Variants in GRK3 observed in about 807,000 individuals in gnomAD.
GRK3 encodes adrenergic, beta, receptor kinase 2.
Under a neutral mutation model 95.7 loss-of-function variants are expected in GRK3, and 54 were observed. The observed-to-expected ratio is 0.56, with a 90% confidence interval of 0.45 to 0.71. The LOEUF is 0.71. GRK3 is among the 30% of genes least tolerant of loss of function. The pLI is 0.00. For synonymous variants in GRK3, 281 were observed against 290.8 expected (o/e 0.97, Z 0.34); for missense variants, 649 against 851.2 (o/e 0.76, Z 2.96).
intron 6 of GRK3, among the ~76,000 whole-genome samples, chr22:25,668,351 C>T (rs1290532242): frequency 6.6e-6 from 1 of 152,164 alleles, no homozygotes; most frequent in African/African-American, 2.4e-5. Flanking sequence ...TGAAATTGGA[C>T]CCTCTAAAAC....
intron 5 of GRK3, 73 bp from the exon 6 acceptor site, chr22:25,667,666 A>G: frequency 9.5e-7 from 1 of 1,051,160 alleles, no homozygotes; most frequent in East Asian, 2.4e-5. Flanking sequence ...GCTTAACCTG[A>G]GTCTCATTGG....
chr22:25,629,313 G>A (rs1387082078), intron 2 of GRK3, among the ~76,000 whole-genome samples: 1 of 152,144 alleles, frequency 6.6e-6, no homozygotes, highest in Non-Finnish European at 1.5e-5. Flanking sequence ...AATTGCCAGG[G>A]GATTGGTGAA....
At chr22:25,703,925 C>T (rs1015046604) in intron 14 of GRK3, among the ~76,000 whole-genome samples, 184 bp from the exon 15 acceptor site, 18 of 152,218 alleles carry the variant, frequency 1.2e-4, no homozygotes, top group African/African-American at 4.1e-4. Flanking sequence ...GATCTGCCCC[C>T]AGCCTCATTG....
At chr22:25,667,695 A>G in intron 5 of GRK3, 44 bp from the exon 6 acceptor site, 2 of 1,414,814 alleles carry the variant, frequency 1.4e-6, no homozygotes, top group Non-Finnish European at 2.0e-6. Flanking sequence ...TTTTTGATAC[A>G]TTCCGATTCA....
At chr22:25,587,087 C>T (rs1259216648) in intron 1 of GRK3, among the ~76,000 whole-genome samples, 1 of 152,266 alleles carries the variant, frequency 6.6e-6, no homozygotes. Flanking sequence ...GACAGGGTTT[C>T]ACCATGTCAG....
At chr22:25,603,092 T>G (rs1360611264) in intron 1 of GRK3, among the ~76,000 whole-genome samples, 4 of 152,104 alleles carry the variant, frequency 2.6e-5, no homozygotes, top group Non-Finnish European at 5.9e-5. Flanking sequence ...AATTTTTGTA[T>G]TTTTAGTAGA....
chr22:25,597,991 G>A (rs1353743280), intron 1 of GRK3, among the ~76,000 whole-genome samples: 1 of 152,166 alleles, frequency 6.6e-6, no homozygotes, highest in Non-Finnish European at 1.5e-5. Flanking sequence ...TGGGCAGAAG[G>A]TGTATGGTAC....
At chr22:25,641,626 A>T (rs1569175704) in intron 2 of GRK3, among the ~76,000 whole-genome samples, 1 of 152,220 alleles carries the variant, frequency 6.6e-6, no homozygotes, top group Non-Finnish European at 1.5e-5. Context: ...AGTGAGAATG[A>T]ATGAGAATCA....
chr22:25,711,719 C>T (rs1267093041), intron 17 of GRK3, among the ~76,000 whole-genome samples: 2 of 152,052 alleles, frequency 1.3e-5, no homozygotes, highest in Non-Finnish European at 2.9e-5. Flanking sequence ...GTTTAAGATG[C>T]TGGGTCAAAG....
chr22:25,633,967 A>G (rs908205993), intron 2 of GRK3, among the ~76,000 whole-genome samples: 2 of 152,130 alleles, frequency 1.3e-5, no homozygotes, highest in Non-Finnish European at 2.9e-5. Context: ...GTTACTGTCT[A>G]GGTGTTTGTC....
chr22:25,713,385 TCA>T (rs1313150623), intron 17 of GRK3, among the ~76,000 whole-genome samples: 2 of 152,196 alleles, frequency 1.3e-5, no homozygotes, highest in African/African-American at 4.8e-5. Context: ...GACCTCAGAA[TCA>T]ACAGATTATT....
intron 6 of GRK3, among the ~76,000 whole-genome samples, chr22:25,669,684 G>C (rs2084966192): frequency 6.6e-6 from 1 of 152,206 alleles, no homozygotes; most frequent in Non-Finnish European, 1.5e-5. Flanking sequence ...CGTGGAGACA[G>C]GACTGAGCCT....
At chr22:25,696,257 C>T (rs1023405804) in intron 13 of GRK3, among the ~76,000 whole-genome samples, 8 of 152,262 alleles carry the variant, frequency 5.3e-5, no homozygotes, top group East Asian at 1.9e-4. Flanking sequence ...TGGGATTAAA[C>T]GCCTAAGCCA....
At chr22:25,607,074 A>G (rs886487252) in intron 2 of GRK3, among the ~76,000 whole-genome samples, 6 of 152,114 alleles carry the variant, frequency 3.9e-5, no homozygotes, top group Non-Finnish European at 5.9e-5. Context: ...ATGTATGTAT[A>G]TGTATGTGTT....
At chr22:25,702,748 G>A in intron 13 of GRK3, 1 of 454,766 alleles carries the variant, frequency 2.2e-6, no homozygotes, top group Admixed American at 2.4e-5. Context: ...TACCTACCGT[G>A]TACTGCCATT....
intron 1 of GRK3, among the ~76,000 whole-genome samples, chr22:25,579,154 ATTCT>A (rs1298948683): frequency 1.3e-5 from 2 of 151,584 alleles, no homozygotes; most frequent in Admixed American, 1.3e-4. Flanking sequence ...CAGGACAGGA[ATTCT>A]TTTTTTTTTT....
intron 1 of GRK3, among the ~76,000 whole-genome samples, chr22:25,569,219 A>G (rs922310149): frequency 2.6e-5 from 4 of 152,228 alleles, no homozygotes; most frequent in African/African-American, 9.7e-5. Context: ...GAGTGTTTCT[A>G]TGTGTAAGAA....
At chr22:25,691,604 A>C (rs1457051963) in intron 12 of GRK3, among the ~76,000 whole-genome samples, 2 of 152,248 alleles carry the variant, frequency 1.3e-5, no homozygotes, top group Non-Finnish European at 2.9e-5. Context: ...TCTCTCAGGG[A>C]GTTCATCAGA....
chr22:25,609,270 C>G (rs1306111087), intron 2 of GRK3, among the ~76,000 whole-genome samples: 1 of 152,036 alleles, frequency 6.6e-6, no homozygotes, highest in Non-Finnish European at 1.5e-5. Context: ...CTTAGCTTCT[C>G]TGTCTGCAAG....
Sources: allele counts gnomAD v4.1 joint callset (sites outside exome capture counted in the v4.1 genomes callset), GRCh38; gene constraint gnomAD v4.1.1; transcripts MANE v1.5; gene names NCBI Gene and HGNC (gene_info 2026-07-23, HGNC 2026-07-21).